METAP1D: variants seen among roughly 807,000 people sequenced by gnomAD.
The protein encoded by METAP1D is methionyl aminopeptidase type 1D, mitochondrial.
METAP1D carries 31 observed loss-of-function variants against 40.5 expected under a neutral mutation model. The ratio of observed to expected loss-of-function variants is 0.77; its 90% CI spans 0.58 to 1.03. The LOEUF (loss-of-function observed/expected upper bound fraction) is 1.03, where lower values mean the gene tolerates loss of function less well. METAP1D is among the 50% of genes least tolerant of loss of function. The pLI is 0.00. For synonymous variants in METAP1D, 151 were observed against 146.4 expected, an observed-to-expected ratio of 1.03 and a Z score of -0.22; for missense variants, 411 against 420.7, an observed-to-expected ratio of 0.98 and a Z score of 0.20.
chr2:172,010,630 T>C (rs1688695145), intron 1 of METAP1D, among the ~76,000 whole-genome samples: 1 of 151,586 alleles, frequency 6.6e-6, no homozygotes, highest in South Asian at 2.1e-4. Flanking sequence ...GTGGCTGAGA[T>C]TGTAGGCGTG....
chr2:172,013,826 T>C (rs902527014), intron 1 of METAP1D, among the ~76,000 whole-genome samples: 10 of 20,334 alleles, frequency 4.9e-4, no homozygotes, highest in Admixed American at 1.5e-3. Flanking sequence ...TTTTTTTCTT[T>C]TTTTTTTTTT....
chr2:172,029,964 C>T (rs1007363919), intron 1 of METAP1D, among the ~76,000 whole-genome samples: 1 of 152,122 alleles, frequency 6.6e-6, no homozygotes, highest in Non-Finnish European at 1.5e-5. Context: ...CTATGTTGGC[C>T]AGGCTGGTCT....
intron 1 of METAP1D, among the ~76,000 whole-genome samples, chr2:172,041,414 G>A (rs1332369893): frequency 8.0e-6 from 1 of 124,452 alleles, no homozygotes; most frequent in Non-Finnish European, 1.9e-5. Flanking sequence ...AGCCGATATC[G>A]TGCCACTGCA....
In METAP1D at chr2:172,080,570, G is replaced by A. The variant is rs1440338905; in HGVS notation, c.*164G>A. On this transcript the variant is annotated 3_prime_UTR_variant, in exon 10 of 10. Transcript: ENST00000315796. Reference sequence around the variant, plus strand: ...GCGGGGGAGACTGAAGAGCAACTGGGAACTCGGATCTGAAGCCCTGCTGGG... The same window carrying A: ...GCGGGGGAGACTGAAGAGCAACTGGAAACTCGGATCTGAAGCCCTGCTGGG... The A allele has an allele frequency of 2.8e-6, 2 of 705,206 alleles. No homozygotes were observed. The highest frequency in any genetic ancestry group is 1.8e-5 in the South Asian group (1 of 56,210). The allele number at this position is 705,206 out of a possible 1,614,324, so 43.7% of individuals were successfully genotyped here. A position where few individuals can be genotyped will look rare whatever the true frequency, so the allele number is the denominator to read the frequency against.
chr2:172,060,962 AC>A (rs1690126500), intron 1 of METAP1D, among the ~76,000 whole-genome samples: 2 of 152,244 alleles, frequency 1.3e-5, no homozygotes, highest in Non-Finnish European at 2.9e-5. Context: ...TGTTATACTT[AC>A]ATTTTTGCTA....
At chr2:172,045,934 G>A (rs1480887418) in intron 1 of METAP1D, among the ~76,000 whole-genome samples, 3 of 135,246 alleles carry the variant, frequency 2.2e-5, no homozygotes, top group Admixed American at 7.9e-5. Flanking sequence ...TTATACATAC[G>A]ATAAGCCTGA....
At position 172,041,729 on chromosome 2, in the gene METAP1D, TATATA is replaced by T. The variant is rs1689534301; in HGVS notation, c.41-19768_41-19764del. Among the ~76,000 whole-genome samples, 16 of 17,912 alleles carry T rather than the reference TATATA, an allele frequency of 8.9e-4. 1 individual carries two copies. The East Asian group carries it at 0.037, about 41-fold the overall frequency. 11.8% of individuals were successfully genotyped at this position (17,912 alleles called of 152,430 possible). On this transcript the variant is annotated intron_variant, in intron 1 of 9. Transcript: ENST00000315796. Reference sequence around the variant, plus strand: ...TAATTTCCTTACTCTAATTATTTTATATATATATATATATATATATATATATATAT... The same window carrying T: ...TAATTTCCTTACTCTAATTATTTTATTATATATATATATATATATATATAT...
At chr2:172,045,506 A>AC (rs1388637003) in intron 1 of METAP1D, among the ~76,000 whole-genome samples, 5 of 82,290 alleles carry the variant, frequency 6.1e-5, no homozygotes, top group Non-Finnish European at 1.4e-4. Context: ...ACTAAAAAAT[A>AC]TAAAATTAGC....
rs1188038867 is a variant in METAP1D at position 172,042,511 on chromosome 2, A to G, written c.41-18987A>G. On this transcript the variant is annotated intron_variant, in intron 1 of 9. Transcript: ENST00000315796. Reference sequence around the variant, plus strand: ...TGTGTACATATATACATATATACATATGTATGTGTACATGTGTACATATAT... The same window carrying G: ...TGTGTACATATATACATATATACATGTGTATGTGTACATGTGTACATATAT... Among the ~76,000 whole-genome samples, 3 of 45,742 alleles carry G rather than the reference A, an allele frequency of 6.6e-5. 1 individual carries two copies. The highest frequency in any genetic ancestry group is 1.9e-4 in the African/African-American group (2 of 10,402). 30.0% of individuals were successfully genotyped at this position (45,742 alleles called of 152,430 possible). A position where few individuals can be genotyped will look rare whatever the true frequency, so the allele number is the denominator to read the frequency against.
intron 8 of METAP1D, among the ~76,000 whole-genome samples, chr2:172,079,611 G>T (rs550425920): frequency 6.6e-6 from 1 of 152,110 alleles, no homozygotes; most frequent in Non-Finnish European, 1.5e-5. Flanking sequence ...CTGGTGGCCC[G>T]TTCCTGGCTG....
At chr2:172,010,755 T>TG (rs891910987) in intron 1 of METAP1D, among the ~76,000 whole-genome samples, 1 of 150,152 alleles carries the variant, frequency 6.7e-6, no homozygotes, top group Non-Finnish European at 1.5e-5. Flanking sequence ...AATGTTTTTT[T>TG]TTTTTTTTTT....
At chr2:172,009,444 A>G (rs1223379329) in intron 1 of METAP1D, among the ~76,000 whole-genome samples, 2 of 149,096 alleles carry the variant, frequency 1.3e-5, no homozygotes, top group African/African-American at 4.9e-5. Context: ...TCCAAAAGTG[A>G]CCAATGAATT....
chr2:172,078,012 G>GTT, intron 7 of METAP1D, 118 bp downstream of exon 7: 1 of 442,686 alleles, frequency 2.3e-6, no homozygotes, highest in Non-Finnish European at 4.3e-6. Flanking sequence ...TTGTGTGTGT[G>GTT]TTTATGTGCA....
intron 1 of METAP1D, among the ~76,000 whole-genome samples, chr2:172,033,014 A>G (rs1192386368): frequency 6.6e-6 from 1 of 152,100 alleles, no homozygotes; most frequent in African/African-American, 2.4e-5. Context: ...AGCTGAGATC[A>G]CACCACTGCA....
intron 1 of METAP1D, among the ~76,000 whole-genome samples, chr2:172,036,254 T>G (rs1177476428): frequency 6.7e-6 from 1 of 148,428 alleles, no homozygotes; most frequent in Non-Finnish European, 1.5e-5. Flanking sequence ...GAGGCGGAGC[T>G]TGCAGAGAGC....
At chr2:172,069,818 A>C (rs2105489377) in intron 5 of METAP1D, among the ~76,000 whole-genome samples, 1 of 152,322 alleles carries the variant, frequency 6.6e-6, no homozygotes, top group Admixed American at 6.5e-5. Flanking sequence ...TCTGTGCCTC[A>C]GTTTCCTGAA....
chr2:172,041,726 T>TTATTTATATATATATATATA (rs1553493428), intron 1 of METAP1D, among the ~76,000 whole-genome samples: 1 of 37,560 alleles, frequency 2.7e-5, no homozygotes, highest in African/African-American at 8.1e-5. Context: ...TCTAATTATT[T>TTATTTATATATATATATATA]TATATATATA....
chr2:172,059,116 T>C (rs1690069805), intron 1 of METAP1D, among the ~76,000 whole-genome samples: 1 of 151,568 alleles, frequency 6.6e-6, no homozygotes, highest in Non-Finnish European at 1.5e-5. Flanking sequence ...TCTTTCTTTT[T>C]TTTTTTTTCT....
chr2:172,045,835 A>G (rs1470477955), intron 1 of METAP1D, among the ~76,000 whole-genome samples: 10 of 90,566 alleles, frequency 1.1e-4, no homozygotes, highest in African/African-American at 3.2e-4. Flanking sequence ...ATATATATAT[A>G]TATATATATA....
Sources: gnomAD v4.1 joint callset for allele counts (sites outside exome capture counted in the v4.1 genomes callset) on GRCh38, gnomAD v4.1.1 for gene constraint, MANE v1.5 for transcripts, NCBI Gene and HGNC (gene_info 2026-07-23, HGNC 2026-07-21) for gene names.